The following MOV10L1 variants were observed in gnomAD, a reference collection of about 807,000 sequenced individuals.
MOV10L1 encodes the protein Mov10 like RNA helicase 1.
MOV10L1 carries 110 observed loss-of-function variants against 143.8 expected under a neutral mutation model. The observed-to-expected ratio is 0.76, with a 90% CI of 0.66 to 0.90. The LOEUF is 0.90. MOV10L1 is among the 40% of genes least tolerant of loss of function. The pLI is 0.00. For missense variants in MOV10L1, 1,406 were observed against 1,526.8 expected (o/e 0.92, Z 1.32); for synonymous variants, 593 against 581.1 (o/e 1.02, Z -0.29).
chr22:50,135,354 AG>A (rs1473493989), intron 15 of MOV10L1, among the ~76,000 whole-genome samples: 1 of 152,022 alleles, frequency 6.6e-6, no homozygotes, highest in Non-Finnish European at 1.5e-5. Flanking sequence ...GTGTACACTT[AG>A]GTACATTTAT....
At chr22:50,096,624 T>C (rs936998805) in intron 2 of MOV10L1, among the ~76,000 whole-genome samples, 5 of 152,254 alleles carry the variant, frequency 3.3e-5, no homozygotes, top group Non-Finnish European at 5.9e-5. Context: ...TTCTGTATCC[T>C]TGCCAACACT....
chr22:50,108,757 G>A lies in MOV10L1; in HGVS notation c.656G>A (p.Arg219Lys). 1 of 1,614,234 alleles carries A rather than the reference G, an allele frequency of 6.2e-7. No individual in the cohort carries two copies. Among genetic ancestry groups the A allele is most frequent in the Non-Finnish European group, 8.5e-7 (1 of 1,180,044 alleles). The change falls in exon 5 of 27, where the codon AGA becomes AAA. Residue 219 changes from arginine (R) to lysine (K), a missense_variant. Physicochemically the swap from Arg to Lys is conservative, Grantham distance 26. Around this residue, in one of 3 missense-constraint regions of MOV10L1, gnomAD observed 1,233 missense variants for 1,351.4 expected, o/e 0.91. Coordinates refer to ENST00000262794, the MANE Select transcript of MOV10L1 (RefSeq NM_018995.3). ...CTGCCAGATGGGTACACACCCCGGA[G>A]AGGTGACGTGGTCAATGCAGTGGTG... The part of the protein sequence containing the change: ...LKLPDGYTPR[R>K]GDVVNAVVVE...
intron 15 of MOV10L1, among the ~76,000 whole-genome samples, chr22:50,140,420 A>G (rs1005027699): frequency 8.5e-5 from 13 of 152,258 alleles, no homozygotes; most frequent in African/African-American, 1.4e-4. Flanking sequence ...GCAAAACACA[A>G]TGGTTGTGGG....
chr22:50,090,071 C>T lies in MOV10L1; in HGVS notation c.-18C>T. 8 of 1,233,546 alleles carry T rather than the reference C, an allele frequency of 6.5e-6. No homozygotes were observed. The highest frequency in any genetic ancestry group is 1.7e-5 in the African/African-American group (1 of 58,422). The allele number at this position is 1,233,546 out of a possible 1,614,324, so 76.4% of individuals were successfully genotyped here. A position where few individuals can be genotyped will look rare whatever the true frequency, so the allele number is the denominator to read the frequency against. ...CGGCGGCAGCGGCGGTGACGGCAGC[C>T]TAGGCCGGGCGAGGGCCATGCTGAG... is the stretch of plus-strand genomic sequence containing the variant. On this transcript the variant is annotated 5_prime_UTR_variant, in exon 1 of 27. Transcript: ENST00000262794.
At chr22:50,110,943 A>C (rs1258891926) in intron 5 of MOV10L1, among the ~76,000 whole-genome samples, 1 of 152,116 alleles carries the variant, frequency 6.6e-6, no homozygotes, top group Non-Finnish European at 1.5e-5. Context: ...ATTAAAAAAA[A>C]AAATTATTAG....
intron 24 of MOV10L1, among the ~76,000 whole-genome samples, chr22:50,160,024 A>T (rs56011567): frequency 2.6e-5 from 4 of 152,272 alleles, no homozygotes; most frequent in Non-Finnish European, 5.9e-5. Context: ...AGACATGGTG[A>T]ATGCCTTGGA....
rs1271220144 is a variant in MOV10L1, at chr22:50,145,815, G to GC, written c.2627+9dup. 1 of 1,613,416 alleles carries GC rather than the reference G, an allele frequency of 6.2e-7. No homozygotes were observed. The highest frequency in any genetic ancestry group is 8.5e-7 in the Non-Finnish European group (1 of 1,179,944). ...GTTTTACCAAATAGGAGTGAGGTGA[G>GC]CCCCGGGCATGGAGCGCGGCATGGG... is the stretch of plus-strand genomic sequence containing the variant. On this transcript the variant is annotated splice_donor_region_variant and intron_variant, in intron 19 of 26. Transcript: ENST00000262794.
At chr22:50,146,249 G>A (rs1009023535) in intron 19 of MOV10L1, among the ~76,000 whole-genome samples, 3 of 152,044 alleles carry the variant, frequency 2.0e-5, no homozygotes, top group African/African-American at 7.2e-5. Context: ...GAGTGGGCGT[G>A]GGGAGGCAGG....
At chr22:50,151,580 C>T (rs1284508306) in intron 21 of MOV10L1, among the ~76,000 whole-genome samples, 1 of 151,440 alleles carries the variant, frequency 6.6e-6, no homozygotes, top group East Asian at 1.9e-4. Flanking sequence ...CAAGACAGGA[C>T]CGGCTGTGCC....
At chr22:50,121,232 C>G (rs974370786) in intron 10 of MOV10L1, among the ~76,000 whole-genome samples, 1 of 152,134 alleles carries the variant, frequency 6.6e-6, no homozygotes, top group Non-Finnish European at 1.5e-5. Context: ...GCAGCCCTGT[C>G]CTAAGGAGAA....
At chr22:50,153,272 A>C in intron 22 of MOV10L1, 54 bp downstream of exon 22, 1 of 1,541,878 alleles carries the variant, frequency 6.5e-7, no homozygotes, top group Non-Finnish European at 8.8e-7. Context: ...ACAGTATGGC[A>C]GGAGGTCCTT....
At chr22:50,128,540 CTTTTTTTTTTTT>C (rs36022529) in intron 13 of MOV10L1, 33 bp downstream of exon 13, 942 of 486,392 alleles carry the variant, frequency 1.9e-3, no homozygotes, top group Admixed American at 4.1e-3. Flanking sequence ...TTTCAAATGT[CTTTTTTTTTTTT>C]TTTTTTTTTT....
In MOV10L1 at chr22:50,099,410, A is replaced by G. The variant is rs758647330; in HGVS notation, c.283-33A>G. Reference sequence around the variant, plus strand: ...AGTTTGCTTTTCTTGTAGTTCTCGTATTATGGTTTAGAGCGGTGTGTTTGT... The same window carrying G: ...AGTTTGCTTTTCTTGTAGTTCTCGTGTTATGGTTTAGAGCGGTGTGTTTGT... On this transcript the variant is annotated intron_variant, in intron 2 of 26. Coordinates refer to ENST00000262794, the MANE Select transcript of MOV10L1 (RefSeq NM_018995.3). The G allele has an allele frequency of 8.3e-5, 132 of 1,598,734 alleles. 2 individuals carry two copies. In the Admixed American group the frequency reaches 2.2e-3, roughly 27 times the overall value.
intron 5 of MOV10L1, among the ~76,000 whole-genome samples, chr22:50,109,450 A>G (rs2061960746): frequency 6.6e-6 from 1 of 151,948 alleles, no homozygotes. Flanking sequence ...CGGGTGAATC[A>G]TGAGGTCAGG....
chr22:50,136,352 CTT>C (rs1316145707), intron 15 of MOV10L1, among the ~76,000 whole-genome samples: 1 of 152,092 alleles, frequency 6.6e-6, no homozygotes, highest in East Asian at 1.9e-4. Flanking sequence ...AAACCTGAAA[CTT>C]TATCTTCTTA....
intron 13 of MOV10L1, among the ~76,000 whole-genome samples, chr22:50,129,249 CCTTA>C (rs1350536121): frequency 1.3e-5 from 2 of 152,210 alleles, no homozygotes; most frequent in East Asian, 3.8e-4. Context: ...GCTACCAGCT[CCTTA>C]CTTTTATTTG....
intron 10 of MOV10L1, among the ~76,000 whole-genome samples, chr22:50,124,378 A>G (rs2062435244): frequency 6.6e-6 from 1 of 152,076 alleles, no homozygotes; most frequent in Non-Finnish European, 1.5e-5. Flanking sequence ...TTTTGCACAT[A>G]ACGTTGTTTT....
chr22:50,115,840 G>A (rs574991722), intron 8 of MOV10L1, among the ~76,000 whole-genome samples: 67 of 152,278 alleles, frequency 4.4e-4, no homozygotes, highest in Non-Finnish European at 5.9e-4. Flanking sequence ...CTGGGGCCTC[G>A]GTCATCTCCA....
Position 50,090,047 on chromosome 22 carries a change from G to C in MOV10L1, c.-42G>C. 1 of 1,202,020 alleles carries C rather than the reference G, an allele frequency of 8.3e-7. No individual in the cohort carries two copies. Among genetic ancestry groups the C allele is most frequent in the Non-Finnish European group, 1.0e-6 (1 of 966,622 alleles). 74.5% of individuals were successfully genotyped at this position (1,202,020 alleles called of 1,614,324 possible). A position where few individuals can be genotyped will look rare whatever the true frequency, so the allele number is the denominator to read the frequency against. On this transcript the variant is annotated 5_prime_UTR_variant, in exon 1 of 27. Coordinates refer to ENST00000262794, the MANE Select transcript of MOV10L1 (RefSeq NM_018995.3). ...GGGAGCGGCGCGGGCGCGTGCGGGC[G>C]GCGGCAGCGGCGGTGACGGCAGCCT...
Sources: allele counts gnomAD v4.1 joint callset (sites outside exome capture counted in the v4.1 genomes callset), GRCh38; gene constraint gnomAD v4.1.1; regional missense constraint gnomAD v4.1.1; transcripts MANE v1.5; gene names NCBI Gene and HGNC (gene_info 2026-07-23, HGNC 2026-07-21).